UTY: variants seen among roughly 807,000 people sequenced by gnomAD.
UTY encodes the protein ubiquitously transcribed tetratricopeptide repeat containing, Y-linked, also known as histone demethylase UTY.
Under a neutral mutation model 32.5 loss-of-function variants are expected in UTY, and 12 were observed. That is an observed-to-expected ratio of 0.37 (90% confidence interval 0.24 to 0.60). The LOEUF (loss-of-function observed/expected upper bound fraction) is 0.60. UTY is among the 20% of genes least tolerant of loss of function. UTY has a pLI of 0.69. For missense variants in UTY, 303 were observed against 299.2 expected (o/e 1.01, Z -0.09); for synonymous variants, 131 against 103.4 (o/e 1.27, Z -1.62).
At chrY:13,444,102 C>T in intron 4 of UTY, among the ~76,000 whole-genome samples, 2 of 32,191 alleles carry the variant, frequency 6.2e-5, no homozygotes, top group East Asian at 1.6e-3. Context: ...AAAGAATCAA[C>T]AAAACAAAAA....
chrY:13,315,714 T>C, intron 21 of UTY, among the ~76,000 whole-genome samples: 2 of 33,302 alleles, frequency 6.0e-5, no homozygotes, highest in African/African-American at 1.2e-4. Context: ...AAAGTCCAGC[T>C]GGGAACTGCT....
At chrY:13,476,473 C>T (rs2150373424) in intron 2 of UTY, among the ~76,000 whole-genome samples, 1 of 33,501 alleles carries the variant, frequency 3.0e-5, no homozygotes, top group South Asian at 6.4e-4. Context: ...TTTTAATAGG[C>T]GTTTCTCCTG....
intron 10 of UTY, among the ~76,000 whole-genome samples, chrY:13,364,444 G>A (rs368993980): frequency 0.05 from 1,625 of 32,214 alleles, no homozygotes; most frequent in Middle Eastern, 0.37. Flanking sequence ...GGCTCACTGC[G>A]GCCTCTGTCT....
At chrY:13,280,921 T>C in intron 27 of UTY, among the ~76,000 whole-genome samples, 1 of 28,853 alleles carries the variant, frequency 3.5e-5, no homozygotes, top group East Asian at 9.0e-4. Flanking sequence ...GGGAAACAAG[T>C]AACATACTTA....
chrY:13,408,906 C>G (rs550120127), intron 6 of UTY, among the ~76,000 whole-genome samples: 228 of 29,732 alleles, frequency 7.7e-3, no homozygotes, highest in African/African-American at 0.029. Flanking sequence ...GAAAGATGGG[C>G]AAAAAAAAAG....
chrY:13,312,132 C>CT (rs2059141573), intron 21 of UTY, among the ~76,000 whole-genome samples: 2 of 34,442 alleles, frequency 5.8e-5, no homozygotes, highest in African/African-American at 2.3e-4. Flanking sequence ...GTGGCTCACG[C>CT]CTGTAATCCC....
intron 2 of UTY, among the ~76,000 whole-genome samples, chrY:13,471,402 C>T (rs762333787): frequency 3.0e-5 from 1 of 33,399 alleles, no homozygotes; most frequent in Non-Finnish European, 7.4e-5. Flanking sequence ...ATTACTAAAC[C>T]ACTGCCTGAG....
chrY:13,439,988 T>G, intron 4 of UTY, among the ~76,000 whole-genome samples: 1 of 32,857 alleles, frequency 3.0e-5, no homozygotes, highest in Non-Finnish European at 7.5e-5. Flanking sequence ...GTTGCTGAAG[T>G]GCTTCCCTGG....
At chrY:13,425,546 C>T (rs2073134126) in intron 4 of UTY, among the ~76,000 whole-genome samples, 1 of 34,000 alleles carries the variant, frequency 2.9e-5, no homozygotes, top group Non-Finnish European at 7.3e-5. Context: ...GCACAATATG[C>T]AGTAAGGTCC....
intron 27 of UTY, chrY:13,286,564 T>C: frequency 2.9e-6 from 1 of 346,541 alleles, no homozygotes; most frequent in Non-Finnish European, 4.1e-6. Context: ...ATTTGACACT[T>C]GGGAGGTGCT....
intron 19 of UTY, among the ~76,000 whole-genome samples, chrY:13,325,886 A>G: frequency 5.9e-5 from 2 of 33,903 alleles, no homozygotes. Flanking sequence ...GATAATAAAT[A>G]TTTTTGGCTT....
At chrY:13,403,068 A>G (rs547213155) in intron 6 of UTY, among the ~76,000 whole-genome samples, 1 of 33,116 alleles carries the variant, frequency 3.0e-5, no homozygotes, top group African/African-American at 1.2e-4. Flanking sequence ...ATTTCAGACA[A>G]TTCAGAATAC....
At chrY:13,292,571 T>C (rs2057827774) in intron 27 of UTY, among the ~76,000 whole-genome samples, 1 of 31,380 alleles carries the variant, frequency 3.2e-5, no homozygotes. Context: ...CCAGAAGATA[T>C]GAACAAATTC....
chrY:13,463,001 G>A, intron 3 of UTY, among the ~76,000 whole-genome samples: 1 of 30,553 alleles, frequency 3.3e-5, no homozygotes, highest in Non-Finnish European at 7.8e-5. Context: ...ATCTCCTAAT[G>A]CTATTCCTCC....
downstream of UTY, chrY:13,234,556 G>A: frequency 7.4e-6 from 1 of 135,236 alleles, no homozygotes; most frequent in Non-Finnish European, 1.5e-5. Context: ...TGGCAGGGAA[G>A]AATGAGGAAC....
chrY:13,307,418 C>T, intron 21 of UTY, among the ~76,000 whole-genome samples: 1 of 30,608 alleles, frequency 3.3e-5, no homozygotes, highest in South Asian at 7.2e-4. Context: ...TCATAATGTA[C>T]AGAAAAATTA....
At chrY:13,393,061 A>T in intron 8 of UTY, 1 of 33,459 alleles carries the variant, frequency 3.0e-5, no homozygotes, top group Admixed American at 2.8e-4. Flanking sequence ...GCTGGTCTCA[A>T]ACTCCTGGGC....
chrY:13,340,715 C>T, intron 17 of UTY, among the ~76,000 whole-genome samples: 3 of 33,797 alleles, frequency 8.9e-5, no homozygotes, highest in Non-Finnish European at 2.2e-4. Flanking sequence ...CTACTCCTTC[C>T]TATACAAAGA....
chrY:13,389,019 A>C (rs984055354), intron 8 of UTY, among the ~76,000 whole-genome samples: 1 of 32,158 alleles, frequency 3.1e-5, no homozygotes, highest in African/African-American at 1.2e-4. Flanking sequence ...GCAGTATGAA[A>C]ACTGACTAAT....
Sources: gnomAD v4.1 joint callset for allele counts (sites outside exome capture counted in the v4.1 genomes callset) on GRCh38, gnomAD v4.1.1 for gene constraint, MANE v1.5 for transcripts, NCBI Gene and HGNC (gene_info 2026-07-23, HGNC 2026-07-21) for gene names.